AP3B1: variants seen among roughly 807,000 people sequenced by gnomAD.
AP3B1 encodes the protein adaptor related protein complex 3 subunit beta 1, also known as AP-3 complex subunit beta-1.
In AP3B1, 61 loss-of-function variants were observed where a neutral mutation model predicts 132.5. The observed-to-expected ratio is 0.46, with a 90% CI of 0.37 to 0.57. The LOEUF (loss-of-function observed/expected upper bound fraction) is 0.57, where lower values mean the gene tolerates loss of function less well. Among genes scored for constraint, AP3B1 ranks in the 20% least tolerant of loss-of-function variants. The pLI, the probability that AP3B1 is intolerant of heterozygous loss-of-function variation, is 0.00. For missense variants in AP3B1, 1,120 were observed against 1,289.4 expected, an observed-to-expected ratio of 0.87 and a Z score of 2.01; for synonymous variants, 388 against 438.3, an observed-to-expected ratio of 0.89 and a Z score of 1.43.
chr5:78,091,069 G>A (rs1263254411), intron 21 of AP3B1, among the ~76,000 whole-genome samples: 1 of 151,866 alleles, frequency 6.6e-6, no homozygotes, highest in Non-Finnish European at 1.5e-5. Flanking sequence ...TTACAGGCGT[G>A]TGCCACAACA....
At chr5:78,066,461 C>T (rs1159306114) in intron 22 of AP3B1, among the ~76,000 whole-genome samples, 1 of 152,102 alleles carries the variant, frequency 6.6e-6, no homozygotes, top group Non-Finnish European at 1.5e-5. Context: ...CCAGTTTAGG[C>T]AGGAATATAA....
At position 78,035,288 on chromosome 5, in the gene AP3B1, T is replaced by A. The variant is rs1384099300; in HGVS notation, c.2810-843A>T. Among the ~76,000 whole-genome samples the A allele has an allele frequency of 2.0e-5, 3 of 152,036 alleles. No individual in the cohort carries two copies. In the East Asian group the frequency reaches 5.8e-4, roughly 29 times the overall value. ...ATAAATATGTATATATTTGTTTATATATAGAAACTGTCCATTTTTGATTTC... is the reference window on the plus strand; with the variant it reads ...ATAAATATGTATATATTTGTTTATAAATAGAAACTGTCCATTTTTGATTTC... On this transcript the variant is annotated intron_variant, in intron 23 of 26. Transcript: ENST00000255194.
intron 1 of AP3B1, among the ~76,000 whole-genome samples, chr5:78,274,159 G>T (rs1173878461): frequency 6.6e-6 from 1 of 150,392 alleles, no homozygotes; most frequent in Non-Finnish European, 1.5e-5. Context: ...GGACAAAACA[G>T]ATGAAACAAC....
intron 1 of AP3B1, among the ~76,000 whole-genome samples, chr5:78,269,068 C>T (rs1481880104): frequency 1.3e-5 from 2 of 152,152 alleles, no homozygotes; most frequent in African/African-American, 2.4e-5. Context: ...TTAGGTCTAC[C>T]TTCTTCATTA....
At chr5:78,230,705 C>T (rs1580518624) in intron 3 of AP3B1, among the ~76,000 whole-genome samples, 1 of 152,238 alleles carries the variant, frequency 6.6e-6, no homozygotes, top group East Asian at 1.9e-4. Context: ...TCCACAAGAG[C>T]AAAAATTAAA....
At chr5:78,225,112 G>A (rs1251868276) in intron 6 of AP3B1, among the ~76,000 whole-genome samples, 1 of 152,072 alleles carries the variant, frequency 6.6e-6, no homozygotes, top group Non-Finnish European at 1.5e-5. Flanking sequence ...GCCATGCATA[G>A]ATAGTACATA....
At chr5:78,287,499 G>T (rs1451336612) in intron 1 of AP3B1, among the ~76,000 whole-genome samples, 3 of 151,972 alleles carry the variant, frequency 2.0e-5, no homozygotes, top group Admixed American at 1.3e-4. Flanking sequence ...TATATTTCAA[G>T]AATTAAATCA....
Position 78,163,201 on chromosome 5 carries a change from C to A in AP3B1, c.1231-250G>T, listed in dbSNP as rs1430536926. 2.6e-5 allele frequency among the ~76,000 whole-genome samples: 4 copies of A among 152,036 alleles called. No individual in the cohort carries two copies. In the East Asian group the frequency reaches 7.7e-4, roughly 29 times the overall value. On this transcript the variant is annotated intron_variant, in intron 12 of 26. Coordinates refer to ENST00000255194, the MANE Select transcript of AP3B1 (RefSeq NM_003664.5). ...CACCTGTGGCCATAGTGGCTTGAGA[C>A]TCCAAAACAGATAGTAGGAGCAGTC...
chr5:78,079,089 G>C (rs564817815), intron 22 of AP3B1, among the ~76,000 whole-genome samples: 1 of 152,196 alleles, frequency 6.6e-6, no homozygotes, highest in African/African-American at 2.4e-5. Context: ...CAGACCATCT[G>C]TGTCTGGCTT....
intron 3 of AP3B1, among the ~76,000 whole-genome samples, chr5:78,228,807 T>G (rs535415031): frequency 2.0e-5 from 3 of 152,352 alleles, no homozygotes; most frequent in Non-Finnish European, 4.4e-5. Context: ...ATGGTAATAC[T>G]CACATTTCAA....
At chr5:78,111,937 G>A (rs1320442412) in intron 19 of AP3B1, among the ~76,000 whole-genome samples, 1 of 152,112 alleles carries the variant, frequency 6.6e-6, no homozygotes, top group Admixed American at 6.5e-5. Context: ...ACTAGAATCT[G>A]AACTCAAGCC....
intron 2 of AP3B1, among the ~76,000 whole-genome samples, chr5:78,248,536 C>T (rs114081658): frequency 0.023 from 3,172 of 137,730 alleles, 125 homozygotes; most frequent in African/African-American, 0.077. Flanking sequence ...AATGCAGAAA[C>T]ATTGCAACCA....
chr5:78,244,514 G>C (rs977738992), intron 2 of AP3B1, among the ~76,000 whole-genome samples: 1 of 152,168 alleles, frequency 6.6e-6, no homozygotes. Context: ...CAGGTATTTG[G>C]GGAGATGAGC....
intron 1 of AP3B1, among the ~76,000 whole-genome samples, chr5:78,292,755 T>C (rs932428806): frequency 2.6e-5 from 4 of 152,118 alleles, no homozygotes; most frequent in African/African-American, 9.7e-5. Context: ...TCTAATCAAT[T>C]AGCTACTTTT....
At chr5:78,158,830 G>A (rs867286801) in intron 13 of AP3B1, among the ~76,000 whole-genome samples, 9 of 151,982 alleles carry the variant, frequency 5.9e-5, no homozygotes, top group Non-Finnish European at 1.0e-4. Context: ...CCAAGCAGCT[G>A]GGATTACAGG....
chr5:78,003,244 C>T (rs952755668), intron 26 of AP3B1, among the ~76,000 whole-genome samples, 189 bp from the exon 27 acceptor site: 1 of 152,196 alleles, frequency 6.6e-6, no homozygotes, highest in Non-Finnish European at 1.5e-5. Flanking sequence ...CCATGCTAAC[C>T]ACAAGCAGGT....
chr5:78,246,297 T>G (rs1747377732), intron 2 of AP3B1, among the ~76,000 whole-genome samples: 1 of 152,228 alleles, frequency 6.6e-6, no homozygotes, highest in Admixed American at 6.5e-5. Context: ...CACTGTATTT[T>G]GGGAAATTTG....
chr5:78,052,338 G>C (rs560462958), intron 22 of AP3B1, among the ~76,000 whole-genome samples: 1 of 152,096 alleles, frequency 6.6e-6, no homozygotes, highest in Non-Finnish European at 1.5e-5. Flanking sequence ...TTTCATGCTC[G>C]GTATTAAGCA....
chr5:78,178,521 T>C (rs1242164489), intron 8 of AP3B1, among the ~76,000 whole-genome samples: 2 of 151,928 alleles, frequency 1.3e-5, no homozygotes, highest in Non-Finnish European at 2.9e-5. Context: ...ACTTGGGAGG[T>C]TGGGACACGA....
Sources: allele counts gnomAD v4.1 joint callset (sites outside exome capture counted in the v4.1 genomes callset), GRCh38; gene constraint gnomAD v4.1.1; transcripts MANE v1.5; gene names NCBI Gene and HGNC (gene_info 2026-07-23, HGNC 2026-07-21).